Variants in KIZ observed in about 807,000 individuals in gnomAD.
KIZ encodes the protein kizuna centrosomal protein, also known as centrosomal protein kizuna.
KIZ carries 68 observed loss-of-function variants against 79.6 expected under a neutral mutation model. The observed-to-expected ratio is 0.85, with a 90% CI of 0.70 to 1.05. The LOEUF (loss-of-function observed/expected upper bound fraction) is 1.05, where lower values mean the gene tolerates loss of function less well. Ranked by LOEUF, KIZ falls within the 50% of genes least tolerant of loss-of-function variation. The probability of loss-of-function intolerance (pLI) is 0.00; values close to 1 mark genes in which losing one functional copy is unlikely to be tolerated. For missense variants in KIZ, 797 were observed against 800.4 expected (o/e 1.00, Z 0.05); for synonymous variants, 280 against 281.8 (o/e 0.99, Z 0.06).
At chr20:21,140,131 T>C (rs1001086677) in intron 3 of KIZ, among the ~76,000 whole-genome samples, 14 of 152,200 alleles carry the variant, frequency 9.2e-5, no homozygotes, top group African/African-American at 3.4e-4. Flanking sequence ...CCCATTTCTT[T>C]CTGCTTCTTC....
intron 6 of KIZ, among the ~76,000 whole-genome samples, chr20:21,164,782 GTATT>G (rs1020146493): frequency 1.3e-5 from 2 of 151,636 alleles, no homozygotes; most frequent in African/African-American, 4.9e-5. Context: ...TAGTTTTCCA[GTATT>G]TATTGGAAAA....
chr20:21,192,887 A>G (rs2035176464), intron 6 of KIZ, among the ~76,000 whole-genome samples: 1 of 152,166 alleles, frequency 6.6e-6, no homozygotes, highest in Non-Finnish European at 1.5e-5. Flanking sequence ...TTTGTGAGGA[A>G]ATCTGTCCAG....
intron 10 of KIZ, among the ~76,000 whole-genome samples, chr20:21,230,591 C>G (rs757793070): frequency 6.6e-6 from 1 of 152,152 alleles, no homozygotes. Context: ...AAGTCAGTTG[C>G]GGCAAAATTC....
chr20:21,129,444 T>C (rs1014605481), intron 1 of KIZ, among the ~76,000 whole-genome samples: 5 of 152,144 alleles, frequency 3.3e-5, no homozygotes. Flanking sequence ...TTAGAAATTA[T>C]TTTAAAGTGG....
At chr20:21,141,064 G>A (rs144370626) in intron 3 of KIZ, among the ~76,000 whole-genome samples, 1 of 152,174 alleles carries the variant, frequency 6.6e-6, no homozygotes, top group Non-Finnish European at 1.5e-5. Context: ...GTAAATATTA[G>A]TATTAATGCT....
intron 11 of KIZ, among the ~76,000 whole-genome samples, chr20:21,238,127 C>T (rs1327004229): frequency 7.2e-5 from 11 of 152,200 alleles, no homozygotes; most frequent in East Asian, 1.9e-4. Flanking sequence ...CCATGCCCAG[C>T]GGCAGGTTTC....
intron 6 of KIZ, among the ~76,000 whole-genome samples, chr20:21,167,892 C>T (rs1047503581): frequency 2.0e-5 from 3 of 152,090 alleles, no homozygotes; most frequent in African/African-American, 7.2e-5. Flanking sequence ...GATATGTATC[C>T]ACCTTTAAAG....
At chr20:21,197,034 T>C (rs2035371252) in intron 6 of KIZ, 1 of 152,238 alleles carries the variant, frequency 6.6e-6, no homozygotes, top group African/African-American at 2.4e-5. Flanking sequence ...TAATCTTCAT[T>C]TTCTTTTTGG....
chr20:21,231,380 G>T lies in KIZ; in HGVS notation c.1784-1354G>T, dbSNP rs557739577. On this transcript the variant is annotated intron_variant, in intron 10 of 12. Transcript: ENST00000619189. ...TTGACATATAAGTTCTAGTCCCTTCGATGTGTATCAGAAATTATGGATTAT... is the reference window on the plus strand; with the variant it reads ...TTGACATATAAGTTCTAGTCCCTTCTATGTGTATCAGAAATTATGGATTAT... Among the ~76,000 whole-genome samples the T allele has an allele frequency of 1.4e-4, 22 of 152,090 alleles. 1 individual carries two copies. Among genetic ancestry groups the T allele is most frequent in the Non-Finnish European group, 1.5e-5 (1 of 68,018 alleles).
intron 9 of KIZ, among the ~76,000 whole-genome samples, chr20:21,227,802 C>A (rs958285967): frequency 2.0e-5 from 3 of 152,154 alleles, no homozygotes; most frequent in African/African-American, 7.2e-5. Context: ...AGTACTTTCC[C>A]CTCTGTATGC....
Position 21,180,238 on chromosome 20 carries a change from CT to C in KIZ, c.1352+17094del, listed in dbSNP as rs779806726. On this transcript the variant is annotated intron_variant, in intron 6 of 12. Coordinates refer to ENST00000619189, the MANE Select transcript of KIZ (RefSeq NM_018474.6). ...TGAGTTTTTGGTTTGCTCTTTGCTC[CT>C]TTTTTTTTTTTTTTAATAAGGAAAT... is the stretch of plus-strand genomic sequence containing the variant. Among the ~76,000 whole-genome samples the C allele has an allele frequency of 7.7e-3, 1,024 of 132,592 alleles. 2 individuals carry two copies. Among genetic ancestry groups the C allele is most frequent in the African/African-American group, 0.011 (417 of 36,344 alleles). The allele number at this position is 132,592 out of a possible 152,430, so 87.0% of individuals were successfully genotyped here. A position where few individuals can be genotyped will look rare whatever the true frequency, so the allele number is the denominator to read the frequency against.
chr20:21,243,308 G>GA (rs5840910), intron 11 of KIZ, among the ~76,000 whole-genome samples: 87,691 of 149,826 alleles, frequency 0.59, 27,066 homozygotes, highest in South Asian at 0.78. Context: ...ATGTTTTTCT[G>GA]AAAAAAAAAA....
intron 10 of KIZ, among the ~76,000 whole-genome samples, chr20:21,230,078 CT>C (rs1331696987): frequency 1.2e-4 from 18 of 152,130 alleles, no homozygotes; most frequent in Admixed American, 1.2e-3. Context: ...ACATTAATGA[CT>C]TTCTTAGCCA....
At chr20:21,193,345 T>C (rs1198823838) in intron 6 of KIZ, among the ~76,000 whole-genome samples, 1 of 152,194 alleles carries the variant, frequency 6.6e-6, no homozygotes, top group East Asian at 1.9e-4. Context: ...AGGAAAAGTT[T>C]ATTTTCTGTA....
intron 6 of KIZ, among the ~76,000 whole-genome samples, chr20:21,163,748 C>G (rs2033803864): frequency 6.6e-6 from 1 of 152,090 alleles, no homozygotes; most frequent in African/African-American, 2.4e-5. Context: ...CAGCATTATA[C>G]ATTTGAGAAC....
intron 9 of KIZ, among the ~76,000 whole-genome samples, chr20:21,219,163 G>C (rs1312421779): frequency 1.3e-5 from 2 of 150,466 alleles, no homozygotes; most frequent in Non-Finnish European, 3.0e-5. Flanking sequence ...TTAAATATTT[G>C]AGGAGCTGCC....
rs2123451202 is a variant in KIZ, at chr20:21,232,824, T to A, written c.1874T>A (p.Leu625Ter). 2.7e-6 allele frequency: 4 copies of A among 1,493,404 alleles called. No individual in the cohort carries two copies. The South Asian group carries it at 4.7e-5, about 18-fold the overall frequency. The allele number at this position is 1,493,404 out of a possible 1,614,324, so 92.5% of individuals were successfully genotyped here. Residue 625 changes from leucine (L) to a stop codon, truncating the protein, a stop_gained, in exon 11 of 13, where the codon TTG becomes TAG. Coordinates refer to ENST00000619189, the MANE Select transcript of KIZ (RefSeq NM_018474.6). LOFTEE classifies it high-confidence loss of function. ...TTTTCATCTAGTGAAGGAAGTCCTT[T>A]GTCAAGGTAAAGTTGTGAAAGCCTT... ...ASFSSSEGSP[L>*]SRHENKKKPV...
intron 4 of KIZ, among the ~76,000 whole-genome samples, chr20:21,156,828 TACAGAG>T (rs2033408526): frequency 6.6e-6 from 1 of 152,104 alleles, no homozygotes; most frequent in South Asian, 2.1e-4. Flanking sequence ...TATACACACA[TACAGAG>T]ACAAACACAT....
intron 4 of KIZ, among the ~76,000 whole-genome samples, chr20:21,157,691 A>G (rs567550874): frequency 6.6e-6 from 1 of 152,236 alleles, no homozygotes; most frequent in South Asian, 2.1e-4. Context: ...ACATTTGAGA[A>G]TTACTAGTTG....
Sources: gnomAD v4.1 joint callset for allele counts (sites outside exome capture counted in the v4.1 genomes callset) on GRCh38, gnomAD v4.1.1 for gene constraint, MANE v1.5 for transcripts, NCBI Gene and HGNC (gene_info 2026-07-23, HGNC 2026-07-21) for gene names.